CTNNA2: variants seen among roughly 807,000 people sequenced by gnomAD.
CTNNA2 encodes the protein catenin alpha 2.
In CTNNA2, 42 loss-of-function variants were observed where a neutral mutation model predicts 101.0. That is an observed-to-expected ratio of 0.42 (90% CI 0.32 to 0.54). CTNNA2 has a LOEUF of 0.54. CTNNA2 is among the 20% of genes least tolerant of loss of function. The probability of loss-of-function intolerance (pLI) is 0.14; values close to 1 mark genes in which losing one functional copy is unlikely to be tolerated. For missense variants in CTNNA2, 871 were observed against 1,223.1 expected (o/e 0.71, Z 4.29); for synonymous variants, 450 against 456.4 (o/e 0.99, Z 0.18).
rs1676439262 is a variant in CTNNA2, at chr2:80,302,601, C to T, written c.1057-90610C>T. On this transcript the variant is annotated intron_variant, in intron 7 of 18. Coordinates refer to ENST00000402739, the MANE Select transcript of CTNNA2 (RefSeq NM_001282597.3). This position sits in a 1 kb window ranked among gnomAD's most constrained non-coding sequence, Gnocchi z 6.4. Reference sequence around the variant, plus strand: ...CCTGGAAGAGCCACGGTGGCAGGCTCGAATGTGCCGTCGTGCTGCCCCTCC... The same window carrying T: ...CCTGGAAGAGCCACGGTGGCAGGCTTGAATGTGCCGTCGTGCTGCCCCTCC... 1.2e-6 allele frequency: 2 copies of T among 1,606,290 alleles called. No individual in the cohort carries two copies. The highest frequency in any genetic ancestry group is 2.7e-5 in the African/African-American group (2 of 75,022).
intron 4 of CTNNA2, among the ~76,000 whole-genome samples, chr2:79,439,655 G>C (rs565659550): frequency 6.6e-6 from 1 of 152,126 alleles, no homozygotes; most frequent in Admixed American, 6.6e-5. Flanking sequence ...CAGTAAGTCT[G>C]GGGTGGGGCC....
At chr2:79,750,464 T>G (rs1671947250) in intron 3 of CTNNA2, among the ~76,000 whole-genome samples, 2 of 152,250 alleles carry the variant, frequency 1.3e-5, no homozygotes, top group Non-Finnish European at 2.9e-5. Flanking sequence ...TCAGCCCTGC[T>G]TAGATTACTT....
chr2:80,090,393 C>G (rs999450805), intron 7 of CTNNA2, among the ~76,000 whole-genome samples: 3 of 152,010 alleles, frequency 2.0e-5, no homozygotes, highest in African/African-American at 7.2e-5. Context: ...CAAGCACCAT[C>G]AAAGGAATAC....
chr2:79,231,294 C>T (rs1572990595), intron 2 of CTNNA2, among the ~76,000 whole-genome samples: 4 of 152,252 alleles, frequency 2.6e-5, no homozygotes, highest in East Asian at 3.9e-4. Flanking sequence ...CCTTCCTGTG[C>T]TATTCCTGTG....
chr2:79,767,344 C>T (rs1673238327), intron 3 of CTNNA2, among the ~76,000 whole-genome samples: 1 of 151,982 alleles, frequency 6.6e-6, no homozygotes, highest in African/African-American at 2.4e-5. Context: ...CAGGATTGGT[C>T]CCTGGTGCCT....
At chr2:79,710,568 A>G (rs1423405948) in intron 2 of CTNNA2, among the ~76,000 whole-genome samples, 4 of 152,332 alleles carry the variant, frequency 2.6e-5, no homozygotes, top group African/African-American at 9.6e-5. Flanking sequence ...ACCTGGTGAG[A>G]ACATTGAGGT....
At chr2:79,540,663 T>TA (rs1673351382) in intron 1 of CTNNA2, among the ~76,000 whole-genome samples, 2 of 152,366 alleles carry the variant, frequency 1.3e-5, no homozygotes, top group South Asian at 4.1e-4. Flanking sequence ...GTCATAGTTA[T>TA]GTATTTATAA....
At chr2:80,243,050 G>T (rs1054561269) in intron 7 of CTNNA2, among the ~76,000 whole-genome samples, 1 of 152,128 alleles carries the variant, frequency 6.6e-6, no homozygotes, top group Admixed American at 6.5e-5. Flanking sequence ...CACAAGTATC[G>T]GTCAGGTTGT....
At chr2:79,441,014 T>C (rs1573167591) in intron 4 of CTNNA2, among the ~76,000 whole-genome samples, 1 of 152,310 alleles carries the variant, frequency 6.6e-6, no homozygotes, top group East Asian at 1.9e-4. Context: ...CAAGGAGTAG[T>C]TCAGTGCCGA....
At chr2:80,308,506 G>C (rs998089356) in intron 7 of CTNNA2, among the ~76,000 whole-genome samples, 2 of 152,130 alleles carry the variant, frequency 1.3e-5, no homozygotes, top group Non-Finnish European at 2.9e-5. Context: ...TAACTTTGTT[G>C]TTTCTGTGGG....
At chr2:79,628,432 A>G (rs1167296179) in intron 1 of CTNNA2, among the ~76,000 whole-genome samples, 1 of 151,782 alleles carries the variant, frequency 6.6e-6, no homozygotes, top group Non-Finnish European at 1.5e-5. Flanking sequence ...CAGCCTGGGC[A>G]ACAGAATGAG....
intron 5 of CTNNA2, among the ~76,000 whole-genome samples, chr2:79,506,612 T>C (rs4146911): frequency 6.6e-6 from 1 of 152,226 alleles, no homozygotes; most frequent in Admixed American, 6.5e-5. Context: ...TGGTTGATAT[T>C]GGTAATCTTT....
intron 10 of CTNNA2, 104 bp downstream of exon 10, chr2:80,545,178 T>C (rs1691934141): frequency 9.4e-7 from 1 of 1,058,360 alleles, no homozygotes; most frequent in Admixed American, 2.3e-5. Flanking sequence ...TGAAAAAGGC[T>C]ACTCATCATT....
At chr2:80,143,333 A>G (rs571823731) in intron 7 of CTNNA2, among the ~76,000 whole-genome samples, 88 of 152,318 alleles carry the variant, frequency 5.8e-4, no homozygotes, top group African/African-American at 2.0e-3. Context: ...GAATATATTT[A>G]TGGAGTATAA....
intron 3 of CTNNA2, among the ~76,000 whole-genome samples, chr2:79,841,277 T>C (rs980868172): frequency 1.3e-5 from 2 of 152,222 alleles, no homozygotes; most frequent in African/African-American, 2.4e-5. Context: ...TTTTTATTGG[T>C]ACATTCTCAG....
intron 9 of CTNNA2, among the ~76,000 whole-genome samples, chr2:80,466,997 T>TA (rs1207782393): frequency 5.3e-5 from 8 of 152,208 alleles, no homozygotes; most frequent in Non-Finnish European, 1.2e-4. Flanking sequence ...ATAGACTAGA[T>TA]ATCATGAAGC....
intron 1 of CTNNA2, among the ~76,000 whole-genome samples, chr2:79,562,333 G>T (rs1175269504): frequency 2.0e-5 from 3 of 151,934 alleles, no homozygotes; most frequent in Admixed American, 2.0e-4. Context: ...GGTAAATTTT[G>T]AAATAACTCT....
At chr2:79,233,376 A>G (rs1674519536) in intron 2 of CTNNA2, among the ~76,000 whole-genome samples, 1 of 152,114 alleles carries the variant, frequency 6.6e-6, no homozygotes, top group Admixed American at 6.6e-5. Flanking sequence ...AGATTTTCTT[A>G]TTATTGATTT....
intron 7 of CTNNA2, among the ~76,000 whole-genome samples, chr2:80,076,902 T>A (rs1172748473): frequency 6.6e-6 from 1 of 151,040 alleles, no homozygotes; most frequent in Non-Finnish European, 1.5e-5. Flanking sequence ...AAAAAAAAAA[T>A]TAGCGTGGTG....
Sources: allele counts gnomAD v4.1 joint callset (sites outside exome capture counted in the v4.1 genomes callset), GRCh38; gene constraint gnomAD v4.1.1; non-coding constraint Gnocchi (gnomAD v3.1); transcripts MANE v1.5; gene names NCBI Gene and HGNC (gene_info 2026-07-23, HGNC 2026-07-21).